The following RMST variants were observed in gnomAD, a reference collection of about 807,000 sequenced individuals.
RMST encodes long intergenic non-protein coding RNA 54.
intron 11 of RMST, among the ~76,000 whole-genome samples, chr12:97,548,859 A>T (rs1205267401): frequency 6.6e-6 from 1 of 152,192 alleles, no homozygotes; most frequent in African/African-American, 2.4e-5. Flanking sequence ...ACATAAAAAA[A>T]CAAATGGAGA....
intron 10 of RMST, among the ~76,000 whole-genome samples, chr12:97,503,616 GCCT>G (rs1174741532): frequency 1.3e-5 from 2 of 152,098 alleles, no homozygotes; most frequent in Non-Finnish European, 1.5e-5. Flanking sequence ...AGCCAAATAG[GCCT>G]CCTCGTGATG....
chr12:97,489,471 G>C (rs1216361833), intron 5 of RMST, among the ~76,000 whole-genome samples: 1 of 151,708 alleles, frequency 6.6e-6, no homozygotes, highest in African/African-American at 2.4e-5. Context: ...AAAAAAAAAG[G>C]CTACTTTTAG....
intron 10 of RMST, among the ~76,000 whole-genome samples, chr12:97,496,495 A>C (rs1877434166): frequency 6.6e-6 from 1 of 152,190 alleles, no homozygotes; most frequent in African/African-American, 2.4e-5. Context: ...TCCTATTAGA[A>C]CAAGAAATTG....
At chr12:97,540,108 T>C (rs1338332372) in intron 11 of RMST, among the ~76,000 whole-genome samples, 1 of 151,698 alleles carries the variant, frequency 6.6e-6, no homozygotes, top group Non-Finnish European at 1.5e-5. Context: ...TTCCAAAGGA[T>C]AGATTGTAGG....
intron 11 of RMST, among the ~76,000 whole-genome samples, chr12:97,554,934 G>A (rs935469867): frequency 6.6e-6 from 1 of 152,172 alleles, no homozygotes; most frequent in South Asian, 2.1e-4. Context: ...ATGAAAGCAG[G>A]CAGCTGGGTC....
chr12:97,556,333 T>C (rs990635670), intron 11 of RMST, among the ~76,000 whole-genome samples: 1 of 152,178 alleles, frequency 6.6e-6, no homozygotes, highest in Non-Finnish European at 1.5e-5. Context: ...GCAGCAGACA[T>C]ACTCCCCTAG....
intron 11 of RMST, among the ~76,000 whole-genome samples, chr12:97,535,424 G>T (rs918219323): frequency 6.6e-6 from 1 of 151,660 alleles, no homozygotes; most frequent in African/African-American, 2.4e-5. Flanking sequence ...CATTTCTGGA[G>T]CCATCATTGA....
At chr12:97,546,093 T>G (rs1882908266) in intron 11 of RMST, among the ~76,000 whole-genome samples, 1 of 152,168 alleles carries the variant, frequency 6.6e-6, no homozygotes, top group African/African-American at 2.4e-5. Flanking sequence ...GCCTCAATCA[T>G]TATTACCATC....
At chr12:97,533,783 T>A (rs1026066229) in intron 11 of RMST, 8 of 151,910 alleles carry the variant, frequency 5.3e-5, no homozygotes, top group Admixed American at 3.9e-4. Flanking sequence ...TTTATTTCTC[T>A]TTTTTCATCA....
At chr12:97,510,535 T>C (rs1394469839) in intron 10 of RMST, among the ~76,000 whole-genome samples, 1 of 152,208 alleles carries the variant, frequency 6.6e-6, no homozygotes, top group Admixed American at 6.5e-5. Context: ...ACAGTGTGTG[T>C]TCATAATGCT....
At chr12:97,473,699 A>T (rs544916617) in intron 5 of RMST, among the ~76,000 whole-genome samples, 6 of 152,286 alleles carry the variant, frequency 3.9e-5, no homozygotes, top group African/African-American at 1.4e-4. Flanking sequence ...AAAACTTAAC[A>T]TTAAGCAAAG....
intron 5 of RMST, among the ~76,000 whole-genome samples, chr12:97,489,464 A>C (rs1231748911): frequency 6.6e-6 from 1 of 152,122 alleles, no homozygotes. Context: ...AAAGAAAAAA[A>C]AAAAAGGCTA....
chr12:97,558,393 C>T (rs1046545065), intron 11 of RMST, among the ~76,000 whole-genome samples: 5 of 152,156 alleles, frequency 3.3e-5, no homozygotes, highest in African/African-American at 1.2e-4. Context: ...CCCTCATAAG[C>T]TCACATTCAA....
At chr12:97,556,370 C>T (rs1772459940) in intron 11 of RMST, among the ~76,000 whole-genome samples, 2 of 152,138 alleles carry the variant, frequency 1.3e-5, no homozygotes, top group African/African-American at 2.4e-5. Context: ...CCAAGTGTGA[C>T]GTGTTAAAAG....
intron 4 of RMST, among the ~76,000 whole-genome samples, chr12:97,463,660 A>T (rs1428009288): frequency 6.6e-6 from 1 of 152,168 alleles, no homozygotes; most frequent in African/African-American, 2.4e-5. Flanking sequence ...TTATTTTTAC[A>T]CTCAACTGTA....
chr12:97,553,157 G>A (rs1024349914), intron 11 of RMST, among the ~76,000 whole-genome samples: 6 of 152,056 alleles, frequency 3.9e-5, no homozygotes, highest in African/African-American at 1.2e-4. Context: ...ACCTATAATG[G>A]TTTATGTGCT....
At chr12:97,484,222 T>C (rs758004233) in intron 5 of RMST, among the ~76,000 whole-genome samples, 4 of 152,312 alleles carry the variant, frequency 2.6e-5, no homozygotes, top group African/African-American at 9.6e-5. Flanking sequence ...TGTGTGTCTA[T>C]AGCAATACAA....
intron 10 of RMST, among the ~76,000 whole-genome samples, chr12:97,513,114 C>A (rs1388219850): frequency 1.3e-5 from 2 of 152,214 alleles, no homozygotes; most frequent in East Asian, 1.9e-4. Context: ...CCCACCTGCG[C>A]CTCTCCCTCC....
At chr12:97,561,703 G>T (rs1477469919) in intron 13 of RMST, among the ~76,000 whole-genome samples, 1 of 117,092 alleles carries the variant, frequency 8.5e-6, no homozygotes, top group Admixed American at 1.3e-4. Context: ...AGAGAGGATT[G>T]CTTCCATCCC....
Sources: allele counts gnomAD v4.1 joint callset (sites outside exome capture counted in the v4.1 genomes callset), GRCh38; gene constraint gnomAD v4.1.1; transcripts MANE v1.5; gene names NCBI Gene and HGNC (gene_info 2026-07-23, HGNC 2026-07-21).